Variants in ABCA13 observed in about 807,000 individuals in gnomAD.
ABCA13 encodes ATP-binding cassette sub-family A member 13.
A neutral mutation model predicts 478.7 loss-of-function variants in ABCA13; 476 were observed. That is an observed-to-expected ratio of 0.99 (90% CI 0.92 to 1.07). ABCA13 has a LOEUF of 1.07. Among genes scored for constraint, ABCA13 ranks in the 50% least tolerant of loss-of-function variants. The pLI, the probability that ABCA13 is intolerant of heterozygous loss-of-function variation, is 0.00. For missense variants in ABCA13, 6,060 were observed against 5,910.6 expected (o/e 1.03, Z -0.83); for synonymous variants, 2,252 against 2,158.9 (o/e 1.04, Z -1.20).
At chr7:48,351,152 C>T (rs539223913) in intron 30 of ABCA13, among the ~76,000 whole-genome samples, 16 of 152,256 alleles carry the variant, frequency 1.1e-4, no homozygotes, top group Non-Finnish European at 1.9e-4. Context: ...ATATTATTCC[C>T]GATTAAAGTT....
At chr7:48,329,993 C>T (rs922999303) in intron 27 of ABCA13, among the ~76,000 whole-genome samples, 3 of 151,564 alleles carry the variant, frequency 2.0e-5, no homozygotes, top group Admixed American at 1.3e-4. Context: ...ATTCATCTAT[C>T]CATCCATCCA....
chr7:48,523,164 A>G (rs1259467040), intron 53 of ABCA13, among the ~76,000 whole-genome samples: 1 of 152,080 alleles, frequency 6.6e-6, no homozygotes, highest in Non-Finnish European at 1.5e-5. Flanking sequence ...ATTTTTATTG[A>G]TTCATTTTTC....
intron 59 of ABCA13, among the ~76,000 whole-genome samples, chr7:48,631,686 T>A (rs1794179314): frequency 6.6e-6 from 1 of 151,978 alleles, no homozygotes; most frequent in Non-Finnish European, 1.5e-5. Context: ...TTAGAATAGT[T>A]TTTTTTTAAT....
chr7:48,581,517 G>A (rs1479089375), intron 56 of ABCA13, among the ~76,000 whole-genome samples: 1 of 152,170 alleles, frequency 6.6e-6, no homozygotes, highest in Non-Finnish European at 1.5e-5. Context: ...GTTTATCTCT[G>A]TCAGCTCCTC....
At chr7:48,221,212 A>C in intron 4 of ABCA13, 69 bp from the exon 5 acceptor site, 1 of 787,184 alleles carries the variant, frequency 1.3e-6, no homozygotes, top group Non-Finnish European at 2.1e-6. Flanking sequence ...TAGAATTAAA[A>C]GTAGGCATTT....
intron 1 of ABCA13, among the ~76,000 whole-genome samples, chr7:48,187,670 T>C (rs1284033343): frequency 5.3e-5 from 8 of 152,078 alleles, no homozygotes; most frequent in African/African-American, 1.9e-4. Flanking sequence ...TATTTTCTTT[T>C]TATGGTTTCT....
At chr7:48,216,829 T>C (rs1299963210) in intron 3 of ABCA13, among the ~76,000 whole-genome samples, 1 of 152,218 alleles carries the variant, frequency 6.6e-6, no homozygotes, top group African/African-American at 2.4e-5. Flanking sequence ...AAGGGTTACC[T>C]TCTATCTATA....
chr7:48,624,184 T>C (rs1793443083), intron 59 of ABCA13, among the ~76,000 whole-genome samples: 1 of 151,880 alleles, frequency 6.6e-6, no homozygotes, highest in African/African-American at 2.4e-5. Flanking sequence ...TTTTGGGCAC[T>C]GATGTTTTGT....
intron 59 of ABCA13, among the ~76,000 whole-genome samples, chr7:48,620,520 C>A (rs972733280): frequency 4.6e-5 from 7 of 152,162 alleles, no homozygotes; most frequent in African/African-American, 1.7e-4. Context: ...CTGTGCAGCA[C>A]CCTCACCCCA....
intron 27 of ABCA13, among the ~76,000 whole-genome samples, chr7:48,328,201 G>A (rs1568946): frequency 0.65 from 99,623 of 152,104 alleles, 32,909 homozygotes; most frequent in Admixed American, 0.73. Flanking sequence ...GCACATATGT[G>A]GGGCTATTTA....
chr7:48,302,567 G>C (rs1385562534), intron 23 of ABCA13, among the ~76,000 whole-genome samples: 1 of 152,080 alleles, frequency 6.6e-6, no homozygotes, highest in Non-Finnish European at 1.5e-5. Context: ...TCATTATTTA[G>C]CTCCAACTTA....
chr7:48,477,641 C>G (rs528189235), intron 45 of ABCA13, among the ~76,000 whole-genome samples: 33 of 147,994 alleles, frequency 2.2e-4, no homozygotes, highest in African/African-American at 6.7e-4. Flanking sequence ...ATCGCAAGGA[C>G]AAAAAACCAA....
At chr7:48,502,809 A>C (rs910045626) in intron 48 of ABCA13, among the ~76,000 whole-genome samples, 5 of 152,202 alleles carry the variant, frequency 3.3e-5, no homozygotes, top group Non-Finnish European at 7.3e-5. Flanking sequence ...CTAATGTCCT[A>C]AATAGCATAC....
intron 53 of ABCA13, among the ~76,000 whole-genome samples, chr7:48,522,524 T>G (rs1437157428): frequency 6.6e-6 from 1 of 152,170 alleles, no homozygotes; most frequent in Non-Finnish European, 1.5e-5. Flanking sequence ...TCTGGAAAGT[T>G]CTGCTATACC....
At chr7:48,249,162 G>A (rs11979521) in intron 14 of ABCA13, 50 bp from the exon 15 acceptor site, 49 of 1,532,156 alleles carry the variant, frequency 3.2e-5, no homozygotes, top group Non-Finnish European at 4.4e-5. Flanking sequence ...TCTGTCATCT[G>A]CAAGATCATT....
At chr7:48,557,768 A>T (rs1785995983) in intron 55 of ABCA13, among the ~76,000 whole-genome samples, 1 of 152,172 alleles carries the variant, frequency 6.6e-6, no homozygotes, top group East Asian at 1.9e-4. Flanking sequence ...TTTGGCAATT[A>T]AAAGTAATTA....
chr7:48,360,476 C>G (rs1044093641), intron 31 of ABCA13, among the ~76,000 whole-genome samples: 1 of 151,970 alleles, frequency 6.6e-6, no homozygotes, highest in Non-Finnish European at 1.5e-5. Flanking sequence ...TTCATGCTCT[C>G]CTGATAAGAG....
chr7:48,252,851 G>A (rs1792779601), intron 15 of ABCA13, among the ~76,000 whole-genome samples: 1 of 152,078 alleles, frequency 6.6e-6, no homozygotes, highest in Non-Finnish European at 1.5e-5. Flanking sequence ...AATCATTCAT[G>A]TTACTCTGTT....
chr7:48,443,478 A>G (rs1823894025), intron 42 of ABCA13, among the ~76,000 whole-genome samples: 1 of 152,196 alleles, frequency 6.6e-6, no homozygotes, highest in African/African-American at 2.4e-5. Flanking sequence ...GAAGCCTCTC[A>G]GCTCTTCTGA....
Sources: gnomAD v4.1 joint callset for allele counts (sites outside exome capture counted in the v4.1 genomes callset) on GRCh38, gnomAD v4.1.1 for gene constraint, MANE v1.5 for transcripts, NCBI Gene and HGNC (gene_info 2026-07-23, HGNC 2026-07-21) for gene names.